Variants in CD69 observed in about 807,000 individuals in gnomAD.
CD69 encodes CD69 molecule, also known as early activation antigen CD69.
CD69 carries 10 observed loss-of-function variants against 21.4 expected under a neutral mutation model. The ratio of observed to expected loss-of-function variants is 0.47; its 90% confidence interval spans 0.29 to 0.79. The LOEUF (loss-of-function observed/expected upper bound fraction) is 0.79, where lower values mean the gene tolerates loss of function less well. CD69 is among the 30% of genes least tolerant of loss of function. The pLI is 0.09. For missense variants in CD69, 204 were observed against 236.9 expected (o/e 0.86, Z 0.91); for synonymous variants, 63 against 78.2 (o/e 0.81, Z 1.03).
In CD69 at chr12:9,755,121, G is replaced by C; in HGVS notation, c.328C>G (p.Gln110Glu). ...STVKRSWTSA[Q>E]NACSEHGATL... ...GCACCATGTTCAGAACAAGCATTTT[G>C]GGCTGAAGTCCAGCTCCTCTTCACA... Residue 110 changes from glutamine to glutamate, a missense_variant, in exon 3 of 5, where the codon CAA becomes GAA. Transcript: ENST00000228434. 1.2e-6 allele frequency: 2 copies of C among 1,613,866 alleles called. No individual in the cohort carries two copies. Among genetic ancestry groups the C allele is most frequent in the Non-Finnish European group, 1.7e-6 (2 of 1,179,902 alleles).
At chr12:9,754,905 G>C in intron 3 of CD69, 157 bp downstream of exon 3, 1 of 708,830 alleles carries the variant, frequency 1.4e-6, no homozygotes, top group Non-Finnish European at 2.3e-6. Flanking sequence ...TTTGACCTCA[G>C]GCTGATCATA....
intron 1 of CD69, among the ~76,000 whole-genome samples, chr12:9,759,968 G>C (rs1222678854): frequency 6.6e-6 from 1 of 152,002 alleles, no homozygotes; most frequent in African/African-American, 2.4e-5. Context: ...ATTATATTTT[G>C]CTGAGAGACA....
intron 1 of CD69, among the ~76,000 whole-genome samples, chr12:9,757,401 C>T (rs6416258): frequency 0.22 from 33,768 of 152,044 alleles, 4,060 homozygotes; most frequent in Non-Finnish European, 0.27. Flanking sequence ...AACAAACCTA[C>T]TCCTATGTAT....
chr12:9,752,658 T>C lies in CD69; in HGVS notation c.*823A>G, dbSNP rs1164663814. 1.3e-5 allele frequency: 2 copies of C among 152,644 alleles called. No individual in the cohort carries two copies. The highest frequency in any genetic ancestry group is 2.9e-5 in the Non-Finnish European group (2 of 68,028). 9.5% of individuals were successfully genotyped at this position (152,644 alleles called of 1,614,324 possible). On this transcript the variant is annotated 3_prime_UTR_variant, in exon 5 of 5. Coordinates refer to ENST00000228434, the MANE Select transcript of CD69 (RefSeq NM_001781.2). ...AGTCACAAACCTATTATAAGACTAG[T>C]ATTATTCTAGGTCTGAAGATTACAG...
chr12:9,754,582 C>CT lies in CD69; in HGVS notation c.491+4dup. The CT allele has an allele frequency of 1.3e-6, 2 of 1,553,504 alleles. No individual in the cohort carries two copies. Among genetic ancestry groups the CT allele is most frequent in the Non-Finnish European group, 1.8e-6 (2 of 1,124,800 alleles). The stretch of plus-strand genomic sequence containing the variant: ...GGGAATATAAAGAGACTTCTGGAGA[C>CT]TTACCAGTTGTTAAATTCTTTGCCA... On this transcript the variant is annotated splice_donor_region_variant and intron_variant, in intron 4 of 4. Coordinates refer to ENST00000228434, the MANE Select transcript of CD69 (RefSeq NM_001781.2).
rs779442801 is a variant in CD69 at position 9,760,661 on chromosome 12, C to T, written c.64+96G>A. ...AGTATATTTCTCTAAGATTATATAT[C>T]ATATATAGAGAGATTACCAGTATAT... On this transcript the variant is annotated intron_variant, in intron 1 of 4. Coordinates refer to ENST00000228434, the MANE Select transcript of CD69 (RefSeq NM_001781.2). 1.5e-5 allele frequency: 13 copies of T among 851,192 alleles called. No homozygotes were observed. In the Admixed American group the frequency reaches 2.3e-4, roughly 15 times the overall value. 52.7% of individuals were successfully genotyped at this position (851,192 alleles called of 1,614,324 possible). A position where few individuals can be genotyped will look rare whatever the true frequency, so the allele number is the denominator to read the frequency against.
chr12:9,758,791 TCTGTCTC>T, intron 1 of CD69, among the ~76,000 whole-genome samples: 1 of 152,340 alleles, frequency 6.6e-6, no homozygotes, highest in East Asian at 1.9e-4. Flanking sequence ...TTGCAACAGC[TCTGTCTC>T]CTCAGTGAGC....
intron 1 of CD69, among the ~76,000 whole-genome samples, chr12:9,756,950 C>T (rs998599805): frequency 8.5e-5 from 13 of 152,116 alleles, no homozygotes; most frequent in African/African-American, 2.7e-4. Context: ...CATGGTGGCA[C>T]GCACTTGTGT....
At chr12:9,754,555 TG>T in intron 4 of CD69, 31 bp downstream of exon 4, 2 of 1,219,128 alleles carry the variant, frequency 1.6e-6, no homozygotes, top group Non-Finnish European at 2.4e-6. Flanking sequence ...GATGCCACCC[TG>T]GGGAATATAA....
chr12:9,753,692 C>G, intron 4 of CD69, 103 bp from the exon 5 acceptor site: 1 of 526,064 alleles, frequency 1.9e-6, no homozygotes, highest in South Asian at 2.8e-5. Context: ...CTTTTAAATT[C>G]TTAGTGGGAT....
chr12:9,757,232 T>C (rs1490216844), intron 1 of CD69, among the ~76,000 whole-genome samples: 3 of 152,152 alleles, frequency 2.0e-5, no homozygotes, highest in African/African-American at 7.2e-5. Flanking sequence ...GACATTAAAA[T>C]GACTGAACAA....
At position 9,760,868 on chromosome 12, in the gene CD69, A is replaced by G; in HGVS notation, c.-48T>C. ...TTAATCTCAGGTCAAGTCAAGCTAC[A>G]GTGAAAGTCTTTGCTGGAGCTCTTG... On this transcript the variant is annotated 5_prime_UTR_variant, in exon 1 of 5. Coordinates refer to ENST00000228434, the MANE Select transcript of CD69 (RefSeq NM_001781.2). 6.7e-7 allele frequency: 1 copy of G among 1,491,692 alleles called. No individual in the cohort carries two copies. The highest frequency in any genetic ancestry group is 9.3e-7 in the Non-Finnish European group (1 of 1,075,222). The allele number at this position is 1,491,692 out of a possible 1,614,324, so 92.4% of individuals were successfully genotyped here.
intron 1 of CD69, among the ~76,000 whole-genome samples, chr12:9,756,657 C>T (rs746952746): frequency 6.6e-6 from 1 of 152,054 alleles, no homozygotes; most frequent in South Asian, 2.1e-4. Context: ...AAAGTGTCTC[C>T]CCAAAATATT....
intron 1 of CD69, among the ~76,000 whole-genome samples, chr12:9,758,969 G>T (rs540387630): frequency 1.3e-5 from 2 of 150,550 alleles, no homozygotes; most frequent in African/African-American, 4.9e-5. Context: ...TCGCTCTGTC[G>T]TCCAGGCTGG....
In CD69 at chr12:9,752,675, A is replaced by G. The variant is rs17806015; in HGVS notation, c.*806T>C. 24,896 of 152,600 alleles carry G rather than the reference A, an allele frequency of 0.16. 2,185 individuals carry two copies. Among genetic ancestry groups the G allele is most frequent in the Non-Finnish European group, 0.19 (12,606 of 67,972 alleles). The allele number at this position is 152,600 out of a possible 1,614,324, so 9.5% of individuals were successfully genotyped here. A position where few individuals can be genotyped will look rare whatever the true frequency, so the allele number is the denominator to read the frequency against. On this transcript the variant is annotated 3_prime_UTR_variant, in exon 5 of 5. Coordinates refer to ENST00000228434, the MANE Select transcript of CD69 (RefSeq NM_001781.2). ...AAGACTAGTATTATTCTAGGTCTGA[A>G]GATTACAGAATATTTCCTAATAGAG...
At chr12:9,755,731 A>G (rs1866673997) in intron 2 of CD69, among the ~76,000 whole-genome samples, 1 of 152,224 alleles carries the variant, frequency 6.6e-6, no homozygotes, top group Admixed American at 6.5e-5. Context: ...ATGACTCAGA[A>G]TATCTCAAAA....
rs747662187 is a variant in CD69, at chr12:9,753,572, GAC to G, written c.507_508del (p.Ser170Ter). 1 of 1,561,904 alleles carries G rather than the reference GAC, an allele frequency of 6.4e-7. No homozygotes were observed. The highest frequency in any genetic ancestry group is 8.8e-7 in the Non-Finnish European group (1 of 1,137,604). On this transcript the variant is annotated frameshift_variant, in exon 5 of 5. Coordinates refer to ENST00000228434, the MANE Select transcript of CD69 (RefSeq NM_001781.2). LOFTEE classifies it low-confidence loss of function (END_TRUNC). ...GTTTTTCAGAAAAACACACTTGTCA[GAC>G]CCTGTAACGTTGAACCTGTCAAACA...
rs761428857 is a variant in CD69, at chr12:9,755,093, G to A, written c.356C>T (p.Thr119Ile). 6 of 1,613,966 alleles carry A rather than the reference G, an allele frequency of 3.7e-6. No homozygotes were observed. Among genetic ancestry groups the A allele is most frequent in the South Asian group, 1.1e-5 (1 of 91,072 alleles). The stretch of plus-strand genomic sequence containing the variant: ...CTTTTCAGAATCAATGACAGCAAGA[G>A]TAGCACCATGTTCAGAACAAGCATT... ...AQNACSEHGA[T>I]LAVIDSEKDM... The change falls in exon 3 of 5, where the codon ACT becomes ATT. Residue 119 changes from threonine (T) to isoleucine (I), a missense_variant. Coordinates refer to ENST00000228434, the MANE Select transcript of CD69 (RefSeq NM_001781.2).
chr12:9,755,568 G>A (rs1866673005), intron 2 of CD69, among the ~76,000 whole-genome samples: 1 of 152,180 alleles, frequency 6.6e-6, no homozygotes, highest in East Asian at 1.9e-4. Context: ...CTTTGGACTA[G>A]AAAGGATAAA....
Sources: allele counts gnomAD v4.1 joint callset (sites outside exome capture counted in the v4.1 genomes callset), GRCh38; gene constraint gnomAD v4.1.1; transcripts MANE v1.5; gene names NCBI Gene and HGNC (gene_info 2026-07-23, HGNC 2026-07-21).